The following TMTC4 variants were observed in gnomAD, a reference collection of about 807,000 sequenced individuals.
TMTC4 encodes transmembrane O-mannosyltransferase targeting cadherins 4.
Under a neutral mutation model 86.0 loss-of-function variants are expected in TMTC4, and 65 were observed. That is an observed-to-expected ratio of 0.76 (90% CI 0.62 to 0.93). The LOEUF is 0.93. TMTC4 is among the 40% of genes least tolerant of loss of function. The pLI is 0.00. For missense variants in TMTC4, 866 were observed against 948.1 expected, an observed-to-expected ratio of 0.91 and a Z score of 1.14; for synonymous variants, 379 against 382.5, an observed-to-expected ratio of 0.99 and a Z score of 0.11.
At chr13:100,631,827 T>TA (rs1211082976) in intron 12 of TMTC4, among the ~76,000 whole-genome samples, 6 of 152,070 alleles carry the variant, frequency 3.9e-5, no homozygotes, top group African/African-American at 1.4e-4. Context: ...AAAATTAACT[T>TA]ACATTTTTTC....
At chr13:100,613,003 G>A (rs576540903) in intron 16 of TMTC4, among the ~76,000 whole-genome samples, 1 of 152,016 alleles carries the variant, frequency 6.6e-6, no homozygotes, top group Admixed American at 6.6e-5. Context: ...ATATTGATGG[G>A]GTGCATGTGA....
At chr13:100,662,812 T>C (rs891540940) in intron 5 of TMTC4, 152 bp downstream of exon 5, 4 of 756,932 alleles carry the variant, frequency 5.3e-6, no homozygotes, top group Admixed American at 2.8e-5. Flanking sequence ...TAGTGTCCTT[T>C]CTATTTCTAG....
chr13:100,674,770 A>G lies in TMTC4; in HGVS notation c.-234T>C. The G allele has an allele frequency of 1.0e-6, 1 of 983,550 alleles. No homozygotes were observed. Among genetic ancestry groups the G allele is most frequent in the Non-Finnish European group, 1.2e-6 (1 of 829,260 alleles). The allele number at this position is 983,550 out of a possible 1,614,324, so 60.9% of individuals were successfully genotyped here. A position where few individuals can be genotyped will look rare whatever the true frequency, so the allele number is the denominator to read the frequency against. On this transcript the variant is annotated 5_prime_UTR_variant, in exon 1 of 19. It removes an upstream start codon present in the reference 5' UTR. Transcript: ENST00000342624. ...TGCAAGGAGCCTGAGCCCCGGCCGC[A>G]TCTCCCTCCCGGGTGCGGAAACTCT...
At chr13:100,645,189 A>C (rs1594324627) in intron 6 of TMTC4, among the ~76,000 whole-genome samples, 2 of 152,076 alleles carry the variant, frequency 1.3e-5, no homozygotes, top group East Asian at 3.9e-4. Context: ...CGTGGCTTTA[A>C]AGGCCTTGCT....
intron 1 of TMTC4, chr13:100,673,137 C>T (rs1044958739): frequency 6.2e-6 from 1 of 162,456 alleles, no homozygotes; most frequent in Non-Finnish European, 1.3e-5. Flanking sequence ...TCAAACTTCT[C>T]ATATCGAGCC....
chr13:100,637,090 T>C (rs1211910040), intron 9 of TMTC4, among the ~76,000 whole-genome samples: 2 of 152,210 alleles, frequency 1.3e-5, no homozygotes, highest in Admixed American at 6.5e-5. Context: ...GGCTGTTCTC[T>C]TGATTTTGGT....
chr13:100,670,498 T>G lies in TMTC4; in HGVS notation c.-136A>C, dbSNP rs185467559. On this transcript the variant is annotated 5_prime_UTR_variant, in exon 2 of 19. Transcript: ENST00000342624. The stretch of plus-strand genomic sequence containing the variant: ...TGGCATACGGCATGCTCTCAGCAAG[T>G]GCTGGGGGAATACTGCAGCTACTTT... 1.2e-6 allele frequency: 1 copy of G among 803,166 alleles called. No individual in the cohort carries two copies. The highest frequency in any genetic ancestry group is 3.3e-5 in the Admixed American group (1 of 30,126). The allele number at this position is 803,166 out of a possible 1,614,324, so 49.8% of individuals were successfully genotyped here. A position where few individuals can be genotyped will look rare whatever the true frequency, so the allele number is the denominator to read the frequency against.
chr13:100,637,898 T>C (rs1186888846), intron 8 of TMTC4, 32 bp downstream of exon 8: 3 of 1,575,284 alleles, frequency 1.9e-6, no homozygotes, highest in East Asian at 2.3e-5. Flanking sequence ...ACATTTTCCA[T>C]GTCTGGGCTG....
chr13:100,646,625 C>T (rs1883777672), intron 6 of TMTC4, among the ~76,000 whole-genome samples: 2 of 152,202 alleles, frequency 1.3e-5, no homozygotes. Context: ...CTTAGCTGTG[C>T]CCTTGGGCAG....
chr13:100,636,524 CCTCTTACCTT>C lies in TMTC4; in HGVS notation c.1200_1202+7del. The stretch of plus-strand genomic sequence containing the variant: ...GCGTGGAACTTAAGATTCAGTGCTG[CCTCTTACCTT>C]CTCTTGTGGCCGTCTTCAGAGCACA... On this transcript the variant is annotated splice_donor_variant and splice_donor_5th_base_variant and coding_sequence_variant and intron_variant, in exon 10 of 19. Coordinates refer to ENST00000342624, the MANE Select transcript of TMTC4 (RefSeq NM_032813.5). LOFTEE classifies it high-confidence loss of function. 6.2e-7 allele frequency: 1 copy of C among 1,614,080 alleles called. No homozygotes were observed. The highest frequency in any genetic ancestry group is 1.1e-5 in the South Asian group (1 of 91,082).
At chr13:100,664,125 C>A in intron 4 of TMTC4, 96 bp downstream of exon 4, 1 of 1,102,892 alleles carries the variant, frequency 9.1e-7, no homozygotes, top group South Asian at 1.7e-5. Context: ...ACTGACTAGA[C>A]TCCTGAATGC....
At chr13:100,642,451 T>C (rs1883143679) in intron 6 of TMTC4, 140 bp from the exon 7 acceptor site, 2 of 884,296 alleles carry the variant, frequency 2.3e-6, no homozygotes, top group East Asian at 2.5e-5. Flanking sequence ...AGCACTTCTC[T>C]GTGGGCAAGA....
intron 15 of TMTC4, among the ~76,000 whole-genome samples, chr13:100,622,321 T>A (rs1405959612): frequency 6.6e-6 from 1 of 152,202 alleles, no homozygotes; most frequent in Non-Finnish European, 1.5e-5. Flanking sequence ...AGAGGTGGTA[T>A]CTTCCTGTGG....
intron 5 of TMTC4, among the ~76,000 whole-genome samples, chr13:100,657,585 G>A (rs564825352): frequency 6.6e-6 from 1 of 152,316 alleles, no homozygotes; most frequent in East Asian, 1.9e-4. Context: ...GTTTAGGTGG[G>A]ATTCGTTACT....
chr13:100,665,519 C>T (rs1360768097), intron 3 of TMTC4, among the ~76,000 whole-genome samples: 1 of 152,214 alleles, frequency 6.6e-6, no homozygotes, highest in Non-Finnish European at 1.5e-5. Flanking sequence ...AATCATGCGC[C>T]GGGCACCTGG....
At chr13:100,611,776 A>G (rs1328465556) in intron 17 of TMTC4, among the ~76,000 whole-genome samples, 1 of 152,146 alleles carries the variant, frequency 6.6e-6, no homozygotes. Flanking sequence ...TGCATAGCCT[A>G]TTCCTGCTCC....
intron 6 of TMTC4, among the ~76,000 whole-genome samples, chr13:100,650,587 G>C (rs1372644020): frequency 6.6e-6 from 1 of 152,254 alleles, no homozygotes; most frequent in African/African-American, 2.4e-5. Context: ...CTCTGCCAGA[G>C]CAACACAATG....
chr13:100,635,000 G>A (rs372500049), intron 11 of TMTC4, 24 bp downstream of exon 11: 80 of 1,609,122 alleles, frequency 5.0e-5, no homozygotes, highest in Non-Finnish European at 5.4e-5. Context: ...CTGTTCATCA[G>A]CTGGCACCAC....
intron 6 of TMTC4, among the ~76,000 whole-genome samples, chr13:100,643,044 C>G (rs1255998778): frequency 1.3e-5 from 2 of 152,140 alleles, no homozygotes; most frequent in African/African-American, 4.8e-5. Flanking sequence ...CCACTGGTCC[C>G]TAAGTGGCCT....
Sources: gnomAD v4.1 joint callset for allele counts (sites outside exome capture counted in the v4.1 genomes callset) on GRCh38, gnomAD v4.1.1 for gene constraint, MANE v1.5 for transcripts, NCBI Gene and HGNC (gene_info 2026-07-23, HGNC 2026-07-21) for gene names.